NIT1: variants seen among roughly 807,000 people sequenced by gnomAD.
NIT1 encodes the protein deaminated glutathione amidase.
In NIT1, 30 loss-of-function variants were observed where a neutral mutation model predicts 36.8. The observed-to-expected ratio is 0.82, with a 90% CI of 0.61 to 1.11. NIT1 has a LOEUF of 1.11. NIT1 is among the 50% of genes least tolerant of loss of function. The pLI, the probability that NIT1 is intolerant of heterozygous loss-of-function variation, is 0.00. For missense variants in NIT1, 438 were observed against 410.6 expected, an observed-to-expected ratio of 1.07 and a Z score of -0.58; for synonymous variants, 151 against 155.6, an observed-to-expected ratio of 0.97 and a Z score of 0.22.
In NIT1 at chr1:161,120,810, C is replaced by A; in HGVS notation, c.*45C>A. 6.3e-7 allele frequency: 1 copy of A among 1,581,636 alleles called. No homozygotes were observed. Among genetic ancestry groups the A allele is most frequent in the Non-Finnish European group, 8.6e-7 (1 of 1,165,590 alleles). ...TAGACCTGCCCCTCCCACCCCCACC[C>A]TGCCACTATGAGCTAGTGCTCATGT... is the stretch of plus-strand genomic sequence containing the variant. On this transcript the variant is annotated 3_prime_UTR_variant, in exon 7 of 7. Coordinates refer to ENST00000368009, the MANE Select transcript of NIT1 (RefSeq NM_005600.3).
At chr1:161,120,056 C>T in intron 5 of NIT1, 51 bp from the exon 6 acceptor site, 1 of 1,611,554 alleles carries the variant, frequency 6.2e-7, no homozygotes, top group Non-Finnish European at 8.5e-7. Context: ...TGACTAGATG[C>T]TGTGACAAAC....
chr1:161,118,105 A>G lies in NIT1; in HGVS notation c.-72A>G, dbSNP rs1655025027. The G allele has an allele frequency of 2.1e-5, 34 of 1,613,090 alleles. 1 individual carries two copies. In the South Asian group the frequency reaches 3.3e-4, roughly 16 times the overall value. ...ACGTCCGGCCTGCGAGTTACCGCCC[A>G]CTCGCTGCGGCGCTTCTGGCTCCAG... On this transcript the variant is annotated 5_prime_UTR_variant, in exon 1 of 7. Coordinates refer to ENST00000368009, the MANE Select transcript of NIT1 (RefSeq NM_005600.3).
downstream of NIT1, chr1:161,123,244 GAA>G: frequency 6.2e-7 from 1 of 1,604,904 alleles, no homozygotes; most frequent in African/African-American, 1.3e-5. Flanking sequence ...TAAAAGGGAA[GAA>G]AACACAGTAG....
chr1:161,118,718 A>T (rs921232348), intron 1 of NIT1, 68 bp from the exon 2 acceptor site: 10 of 1,481,614 alleles, frequency 6.7e-6, no homozygotes, highest in Non-Finnish European at 9.4e-6. Flanking sequence ...TAAAGAGAGA[A>T]GTCAGAGAAT....
At chr1:161,123,945 C>T, downstream of NIT1, 1 of 1,613,882 alleles carries the variant, frequency 6.2e-7, no homozygotes, top group East Asian at 2.2e-5. Flanking sequence ...GATCAGGGCA[C>T]ACTGTAGGAG....
downstream of NIT1, chr1:161,124,439 TGCCCGCCGCTTTAG>T: frequency 6.2e-7 from 1 of 1,604,354 alleles, no homozygotes; most frequent in Non-Finnish European, 8.5e-7. Context: ...ACACCTGGCT[TGCCCGCCGCTTTAG>T]GCCCGCCATG....
downstream of NIT1, chr1:161,123,754 T>C: frequency 7.9e-7 from 1 of 1,261,764 alleles, no homozygotes; most frequent in South Asian, 1.4e-5. Flanking sequence ...CATCCTTTCA[T>C]TTAAGCTGGC....
intron 1 of NIT1, chr1:161,118,399 G>A: frequency 6.5e-7 from 1 of 1,531,106 alleles, no homozygotes; most frequent in Non-Finnish European, 8.7e-7. Context: ...TTTCCCCTGC[G>A]AGATTCTGGT....
Position 161,120,661 on chromosome 1 carries a change from G to A in NIT1, c.880G>A (p.Ala294Thr), listed in dbSNP as rs1358929921. Reference sequence around the variant, plus strand: ...CTCTGAGGGGCCAGGCCTCTGCCTTGCCCGAATAGACCTCAACTATCTGCG... The same window carrying A: ...CTCTGAGGGGCCAGGCCTCTGCCTTACCCGAATAGACCTCAACTATCTGCG... ...RCSEGPGLCL[A>T]RIDLNYLRQL... The change falls in exon 7 of 7, where the codon GCC (alanine) becomes ACC (threonine). Residue 294 changes from alanine (A) to threonine (T), a missense_variant. Coordinates refer to ENST00000368009, the MANE Select transcript of NIT1 (RefSeq NM_005600.3). 1.9e-6 allele frequency: 3 copies of A among 1,614,184 alleles called. No individual in the cohort carries two copies. The highest frequency in any genetic ancestry group is 2.2e-5 in the East Asian group (1 of 44,890).
At chr1:161,124,663 G>C, downstream of NIT1, 23 of 1,194,432 alleles carry the variant, frequency 1.9e-5, no homozygotes, top group Non-Finnish European at 2.2e-5. Flanking sequence ...TGAAGTGTTT[G>C]TTTAAAAATA....
downstream of NIT1, chr1:161,121,275 A>T (rs1487251995): frequency 1.4e-6 from 1 of 731,492 alleles, no homozygotes; most frequent in Admixed American, 5.9e-5. Context: ...GAATTACTTC[A>T]CTTACACCTA....
downstream of NIT1, chr1:161,122,636 G>C: frequency 1.5e-6 from 2 of 1,329,256 alleles, no homozygotes; most frequent in Non-Finnish European, 2.0e-6. The surrounding 1 kb of genome is among the most constrained non-coding windows in gnomAD (Gnocchi z 4.2). Flanking sequence ...AATATCACCT[G>C]ACAGCTTCTC....
In NIT1 at chr1:161,120,893, G is replaced by C; in HGVS notation, c.*128G>C. The C allele has an allele frequency of 3.4e-6, 5 of 1,452,936 alleles. No homozygotes were observed. The highest frequency in any genetic ancestry group is 3.6e-6 in the Non-Finnish European group (4 of 1,108,302). The allele number at this position is 1,452,936 out of a possible 1,614,324, so 90.0% of individuals were successfully genotyped here. On this transcript the variant is annotated 3_prime_UTR_variant, in exon 7 of 7. Coordinates refer to ENST00000368009, the MANE Select transcript of NIT1 (RefSeq NM_005600.3). ...TCACTTGGAGAACCTTGACTCTCTT[G>C]ATGGAACACAGATGGGCTGCTTGGG...
chr1:161,119,152 C>T lies in NIT1; in HGVS notation c.117C>T (p.Ile39=). 1 of 1,613,848 alleles carries T rather than the reference C, an allele frequency of 6.2e-7. No individual in the cohort carries two copies. Among genetic ancestry groups the T allele is most frequent in the South Asian group, 1.1e-5 (1 of 91,074 alleles). The change falls in exon 3 of 7, where the codon ATC becomes ATT. Residue 39 remains isoleucine, a synonymous_variant. Coordinates refer to ENST00000368009, the MANE Select transcript of NIT1 (RefSeq NM_005600.3). ...TTCACAGGCCCAGAGCCATGGCTAT[C>T]TCCTCTTCCTCCTGCGAACTGCCCC... ...CAQPRPRAMA[I]SSSSCELPLV...
intron 1 of NIT1, 93 bp downstream of exon 1, chr1:161,118,271 G>A (rs1655046987): frequency 2.1e-5 from 33 of 1,607,610 alleles, no homozygotes; most frequent in African/African-American, 1.3e-5. Context: ...GGAGAGGCGG[G>A]GAGGGACGGG....
chr1:161,121,219 C>T (rs536027588), downstream of NIT1: 9 of 989,188 alleles, frequency 9.1e-6, no homozygotes, highest in African/African-American at 1.6e-4. Flanking sequence ...CCCATTCTCC[C>T]AAGCATGGGA....
chr1:161,124,742 A>C, downstream of NIT1: 1 of 450,492 alleles, frequency 2.2e-6, no homozygotes, highest in Non-Finnish European at 3.5e-6. Flanking sequence ...CAGGAGGATC[A>C]CTTGAGCCCA....
downstream of NIT1, chr1:161,123,909 T>A: frequency 6.2e-7 from 1 of 1,614,080 alleles, no homozygotes; most frequent in Non-Finnish European, 8.5e-7. Context: ...AGCGAATTGA[T>A]GTCTCCTCCA....
chr1:161,119,396 G>A lies in NIT1; in HGVS notation c.353+8G>A, dbSNP rs1655167545. ...ATACACCCAGCTTGCCAGGTATCAGGGAAATAGCGAGGGAGAGGTAGAATC... is the reference window on the plus strand; with the variant it reads ...ATACACCCAGCTTGCCAGGTATCAGAGAAATAGCGAGGGAGAGGTAGAATC... On this transcript the variant is annotated splice_region_variant and intron_variant, in intron 3 of 6. Coordinates refer to ENST00000368009, the MANE Select transcript of NIT1 (RefSeq NM_005600.3). 4.3e-6 allele frequency: 7 copies of A among 1,613,370 alleles called. No individual in the cohort carries two copies. The highest frequency in any genetic ancestry group is 1.3e-5 in the African/African-American group (1 of 74,914).
Sources: allele counts gnomAD v4.1 joint callset, GRCh38; gene constraint gnomAD v4.1.1; non-coding constraint Gnocchi (gnomAD v3.1); transcripts MANE v1.5; gene names NCBI Gene and HGNC (gene_info 2026-07-23, HGNC 2026-07-21).